The following SNX5 variants were observed in gnomAD, a reference collection of about 807,000 sequenced individuals.
The protein encoded by SNX5 is sorting nexin-5.
Under a neutral mutation model 53.9 loss-of-function variants are expected in SNX5, and 31 were observed. That is an observed-to-expected ratio of 0.58 (90% CI 0.43 to 0.78). The LOEUF is 0.78. Among genes scored for constraint, SNX5 ranks in the 30% least tolerant of loss-of-function variants. SNX5 has a pLI of 0.00. For synonymous variants in SNX5, 168 were observed against 171.1 expected (o/e 0.98, Z 0.14); for missense variants, 471 against 478.8 (o/e 0.98, Z 0.15).
In SNX5 at chr20:17,957,470, AAAAG is replaced by A. The variant is rs992585432; in HGVS notation, c.52-437_52-434del. 1.9e-4 allele frequency among the ~76,000 whole-genome samples: 29 copies of A among 152,208 alleles called. No individual in the cohort carries two copies. The Middle Eastern group carries it at 0.01, about 54-fold the overall frequency. ...AAAGAATTAAAAATTAAAAAAAAGA[AAAAG>A]AAATGTCAGTTGAGACATTTCTAAG... On this transcript the variant is annotated intron_variant, in intron 1 of 12. Coordinates refer to ENST00000377759, the MANE Select transcript of SNX5 (RefSeq NM_014426.4).
chr20:17,964,384 A>C (rs1487232081), intron 1 of SNX5, among the ~76,000 whole-genome samples: 1 of 152,206 alleles, frequency 6.6e-6, no homozygotes, highest in Non-Finnish European at 1.5e-5. Context: ...GCCAAAATGT[A>C]AAAAGAAGAG....
In SNX5 at chr20:17,951,501, T is replaced by G; in HGVS notation, c.608A>C (p.Lys203Thr). 2 of 1,606,996 alleles carry G rather than the reference T, an allele frequency of 1.2e-6. No individual in the cohort carries two copies. The highest frequency in any genetic ancestry group is 1.7e-6 in the Non-Finnish European group (2 of 1,175,296). ...SADEVLFTGV[K>T]EVDDFFEQEK... ...CTCCAACAGCCAAAGGTCACTTACC[T>G]TAACTCCAGTAAAAAGGACTTCATC... Residue 203 changes from lysine to threonine, a missense_variant and splice_region_variant, in exon 6 of 13, where the codon AAG becomes ACG. Coordinates refer to ENST00000377759, the MANE Select transcript of SNX5 (RefSeq NM_014426.4).
intron 1 of SNX5, chr20:17,962,195 CTGCT>C (rs1452059085): frequency 1.3e-5 from 2 of 155,308 alleles, no homozygotes; most frequent in Non-Finnish European, 2.7e-5. Context: ...TATATTAACT[CTGCT>C]TTTTTTTTTT....
chr20:17,958,002 C>CAAAAA (rs59621613), intron 1 of SNX5, among the ~76,000 whole-genome samples: 7 of 107,826 alleles, frequency 6.5e-5, no homozygotes, highest in East Asian at 2.6e-4. Context: ...TTCTGCCCGT[C>CAAAAA]AAAAAAAAAA....
intron 1 of SNX5, among the ~76,000 whole-genome samples, chr20:17,960,393 A>G (rs1426150615): frequency 2.0e-5 from 3 of 152,192 alleles, no homozygotes; most frequent in African/African-American, 7.2e-5. Context: ...CAGGAGATCG[A>G]GAACATCTTG....
intron 1 of SNX5, among the ~76,000 whole-genome samples, chr20:17,959,702 C>A (rs544154244): frequency 6.6e-6 from 1 of 152,308 alleles, no homozygotes; most frequent in Non-Finnish European, 1.5e-5. Flanking sequence ...TAGCATATAA[C>A]CCTCCAGATG....
intron 1 of SNX5, among the ~76,000 whole-genome samples, chr20:17,960,329 C>T (rs546376640): frequency 2.6e-5 from 4 of 152,266 alleles, no homozygotes; most frequent in Admixed American, 2.6e-4. Flanking sequence ...GGCACGGTGG[C>T]TCACGCCTGT....
chr20:17,954,582 A>G (rs1369957351), intron 3 of SNX5, among the ~76,000 whole-genome samples: 1 of 152,206 alleles, frequency 6.6e-6, no homozygotes, highest in African/African-American at 2.4e-5. Flanking sequence ...TGATTAAGCA[A>G]TCATCATTTG....
chr20:17,955,076 T>A (rs142525487), intron 3 of SNX5, among the ~76,000 whole-genome samples: 1 of 152,184 alleles, frequency 6.6e-6, no homozygotes, highest in African/African-American at 2.4e-5. Context: ...TCTACTGACA[T>A]AGGAAAAAAC....
chr20:17,950,249 G>C lies in SNX5; in HGVS notation c.715+42C>G, dbSNP rs201066261. On this transcript the variant is annotated intron_variant, in intron 7 of 12. Transcript: ENST00000377759. ...AAGTCTTTTTATCCAAACACAGCCA[G>C]GCTCATCAGCAAAGCTCTGACTAGC... The C allele has an allele frequency of 1.9e-6, 3 of 1,611,802 alleles. No homozygotes were observed. In the African/African-American group the frequency reaches 4.0e-5, roughly 22 times the overall value.
intron 1 of SNX5, chr20:17,962,961 A>C (rs764056936): frequency 4.0e-6 from 2 of 505,558 alleles, no homozygotes; most frequent in South Asian, 2.8e-5. Flanking sequence ...CTGCAAGCCC[A>C]TGTACTAATG....
At chr20:17,942,912 AGTTGCT>A in intron 12 of SNX5, 192 bp downstream of exon 12, 1 of 464,074 alleles carries the variant, frequency 2.2e-6, no homozygotes, top group Non-Finnish European at 3.8e-6. Context: ...AAAAAAAAAA[AGTTGCT>A]AAAAATTAGT....
chr20:17,948,822 T>A, intron 10 of SNX5, 68 bp downstream of exon 10: 1 of 1,266,830 alleles, frequency 7.9e-7, no homozygotes, highest in Non-Finnish European at 1.1e-6. Context: ...CTCCTTTGTA[T>A]AAAGAAACTT....
intron 1 of SNX5, 130 bp from the exon 2 acceptor site, chr20:17,957,167 G>A (rs977658134): frequency 2.3e-5 from 15 of 653,650 alleles, no homozygotes; most frequent in East Asian, 1.9e-4. Flanking sequence ...TGGGCGCGGC[G>A]GCTCACCCCT....
At chr20:17,961,470 ATC>A (rs1192675239) in intron 1 of SNX5, 9 of 985,382 alleles carry the variant, frequency 9.1e-6, no homozygotes, top group Non-Finnish European at 1.1e-5. Flanking sequence ...AAACTCCACA[ATC>A]TCTGATCTGT....
chr20:17,961,841 G>C, intron 1 of SNX5: 4 of 985,464 alleles, frequency 4.1e-6, no homozygotes, highest in Non-Finnish European at 4.8e-6. Flanking sequence ...ATGGAGCCAA[G>C]AAGCCTGCCT....
intron 12 of SNX5, 81 bp downstream of exon 12, chr20:17,943,029 G>T: frequency 2.1e-6 from 2 of 962,570 alleles, no homozygotes; most frequent in Non-Finnish European, 1.7e-6. Flanking sequence ...CCAACTGCCT[G>T]ATGACAATGG....
chr20:17,962,466 G>A (rs1019879625), intron 1 of SNX5, among the ~76,000 whole-genome samples: 5 of 151,958 alleles, frequency 3.3e-5, no homozygotes, highest in Non-Finnish European at 4.4e-5. Flanking sequence ...GCCTCCCAAA[G>A]TCCTGGGATT....
At position 17,953,977 on chromosome 20, in the gene SNX5, A is replaced by C. The variant is rs200686874; in HGVS notation, c.389+19T>G. The C allele has an allele frequency of 1.7e-3, 2,757 of 1,602,566 alleles. 52 individuals carry two copies. The South Asian group carries it at 0.027, about 16-fold the overall frequency. The stretch of plus-strand genomic sequence containing the variant: ...TTCTACTTCTCAAAAGACAGAGCCC[A>C]CCAGGAAAATCCACTTACGCTTCCA... On this transcript the variant is annotated intron_variant, in intron 4 of 12. Coordinates refer to ENST00000377759, the MANE Select transcript of SNX5 (RefSeq NM_014426.4).
Sources: gnomAD v4.1 joint callset for allele counts (sites outside exome capture counted in the v4.1 genomes callset) on GRCh38, gnomAD v4.1.1 for gene constraint, MANE v1.5 for transcripts, NCBI Gene and HGNC (gene_info 2026-07-23, HGNC 2026-07-21) for gene names.